ABCD3: variants seen among roughly 807,000 people sequenced by gnomAD.
ABCD3 encodes the protein ATP-binding cassette sub-family D member 3.
Under a neutral mutation model 105.5 loss-of-function variants are expected in ABCD3, and 41 were observed. That is an observed-to-expected ratio of 0.39 (90% confidence interval 0.30 to 0.50). The LOEUF is 0.50. ABCD3 is among the 20% of genes least tolerant of loss of function. The pLI is 0.84. For missense variants in ABCD3, 622 were observed against 806.3 expected (o/e 0.77, Z 2.77); for synonymous variants, 258 against 269.0 (o/e 0.96, Z 0.40).
the ABCD3 span, among the ~76,000 whole-genome samples, chr1:94,395,666 G>C: frequency 6.6e-6 from 1 of 152,206 alleles, no homozygotes; most frequent in Non-Finnish European, 1.5e-5. Context: ...GAGTGCCAAA[G>C]AGATGGCAAA....
chr1:94,506,048 TAAAA>T (rs966102401), intron 20 of ABCD3, among the ~76,000 whole-genome samples: 1 of 152,060 alleles, frequency 6.6e-6, no homozygotes, highest in Non-Finnish European at 1.5e-5. Context: ...AGCAAAGGCT[TAAAA>T]AAATGAGCAC....
intron 9 of ABCD3, among the ~76,000 whole-genome samples, chr1:94,481,027 G>T (rs1649006444): frequency 6.6e-6 from 1 of 152,106 alleles, no homozygotes; most frequent in Non-Finnish European, 1.5e-5. Flanking sequence ...TTTTTTAAAT[G>T]TAAGATAGGA....
At chr1:94,426,346 A>T (rs1161342822) in intron 1 of ABCD3, among the ~76,000 whole-genome samples, 1 of 152,200 alleles carries the variant, frequency 6.6e-6, no homozygotes, top group African/African-American at 2.4e-5. Context: ...TTCGGCATTC[A>T]AAGTGTCTTC....
intron 8 of ABCD3, 43 bp from the exon 9 acceptor site, chr1:94,480,421 A>G: frequency 6.2e-7 from 1 of 1,609,408 alleles, no homozygotes; most frequent in Non-Finnish European, 8.5e-7. Flanking sequence ...ATTTATTATT[A>G]TATCCCAGAA....
Position 94,518,611 on chromosome 1 carries a change from A to G in ABCD3, c.*1482A>G, listed in dbSNP as rs1425205793. On this transcript the variant is annotated 3_prime_UTR_variant, in exon 23 of 23. Coordinates refer to ENST00000370214, the MANE Select transcript of ABCD3 (RefSeq NM_002858.4). ...ATTCAGCCTTGACTTGAAAACATAGATAGTTTAATCTTGACTTGAAAAACA... is the reference window on the plus strand; with the variant it reads ...ATTCAGCCTTGACTTGAAAACATAGGTAGTTTAATCTTGACTTGAAAAACA... The G allele has an allele frequency of 6.6e-6, 1 of 152,126 alleles. No individual in the cohort carries two copies. Among genetic ancestry groups the G allele is most frequent in the Non-Finnish European group, 1.5e-5 (1 of 67,846 alleles). 9.4% of individuals were successfully genotyped at this position (152,126 alleles called of 1,614,324 possible).
chr1:94,473,714 T>G, intron 4 of ABCD3, 52 bp from the exon 5 acceptor site: 1 of 1,282,652 alleles, frequency 7.8e-7, no homozygotes, highest in Non-Finnish European at 1.1e-6. Flanking sequence ...GTTTTCCTAG[T>G]GTTAGATTTT....
intron 1 of ABCD3, among the ~76,000 whole-genome samples, chr1:94,450,895 C>T (rs979634243): frequency 7.2e-5 from 11 of 152,156 alleles, no homozygotes; most frequent in East Asian, 1.9e-4. Context: ...AAACATCAAT[C>T]GGTAATACTT....
chr1:94,456,255 ATTTTTTTTTTTTTTTTTTTTT>A (rs71094301), intron 1 of ABCD3, among the ~76,000 whole-genome samples: 20 of 44,960 alleles, frequency 4.4e-4, no homozygotes, highest in South Asian at 2.2e-3. Flanking sequence ...AAATGACAGA[ATTTTTTTTTTTTTTTTTTTTT>A]TTTTTTTTTT....
chr1:94,398,073 A>G, the ABCD3 span, among the ~76,000 whole-genome samples: 1 of 152,088 alleles, frequency 6.6e-6, no homozygotes, highest in East Asian at 1.9e-4. Context: ...AATTTTTATC[A>G]GTATAGACTA....
intron 5 of ABCD3, among the ~76,000 whole-genome samples, chr1:94,474,523 G>GT (rs1359375023): frequency 6.6e-6 from 1 of 152,108 alleles, no homozygotes; most frequent in African/African-American, 2.4e-5. Context: ...AGAAATTCTT[G>GT]TTTAATAAAG....
chr1:94,478,579 G>GA, intron 8 of ABCD3: 1 of 1,565,926 alleles, frequency 6.4e-7, no homozygotes, highest in Non-Finnish European at 8.7e-7. Flanking sequence ...GGCCAGGCGT[G>GA]GTGGCTCATG....
chr1:94,478,016 T>C (rs551417196), intron 7 of ABCD3, among the ~76,000 whole-genome samples: 1 of 152,366 alleles, frequency 6.6e-6, no homozygotes, highest in South Asian at 2.1e-4. Context: ...ATGTTTTTCC[T>C]ACTTGATGGT....
chr1:94,418,344 G>A (rs893828187), upstream of ABCD3: 10 of 613,544 alleles, frequency 1.6e-5, no homozygotes, highest in Admixed American at 4.3e-4. Flanking sequence ...GGCGGCGCGA[G>A]CCAGGGGGCG....
chr1:94,405,861 T>A, the ABCD3 span, among the ~76,000 whole-genome samples: 1 of 152,290 alleles, frequency 6.6e-6, no homozygotes, highest in South Asian at 2.1e-4. Context: ...GCTGCAAATG[T>A]TTTCTTCTAG....
chr1:94,418,636 TC>T, intron 1 of ABCD3, 48 bp downstream of exon 1: 1 of 1,533,882 alleles, frequency 6.5e-7, no homozygotes, highest in Non-Finnish European at 8.8e-7. Context: ...GAGCGGGCGC[TC>T]CCCGCGCGCT....
In ABCD3 at chr1:94,515,818, TCCTCCCTC is replaced by T. The variant is rs534390001; in HGVS notation, c.1902+628_1902+635del. Among the ~76,000 whole-genome samples the T allele has an allele frequency of 6.4e-3, 974 of 151,566 alleles. 8 individuals carry two copies. The highest frequency in any genetic ancestry group is 0.019 in the African/African-American group (767 of 41,406). On this transcript the variant is annotated intron_variant, in intron 22 of 22. Transcript: ENST00000370214. ...GTTTAATTCTCTTTATTTTCTTTCC[TCCTCCCTC>T]CCTCCCTCCCTTCCTTTCTTCCTTC...
At chr1:94,466,734 A>G (rs1216532019) in intron 3 of ABCD3, among the ~76,000 whole-genome samples, 1 of 152,208 alleles carries the variant, frequency 6.6e-6, no homozygotes, top group African/African-American at 2.4e-5. Flanking sequence ...GGAAAGATGC[A>G]TATGTTACCT....
chr1:94,390,277 C>T, the ABCD3 span, among the ~76,000 whole-genome samples: 5 of 151,978 alleles, frequency 3.3e-5, no homozygotes, highest in Non-Finnish European at 5.9e-5. Flanking sequence ...AATGCTCCTG[C>T]ACTTATTAAT....
At chr1:94,483,581 GC>G (rs1649129670) in intron 10 of ABCD3, among the ~76,000 whole-genome samples, 1 of 152,104 alleles carries the variant, frequency 6.6e-6, no homozygotes, top group African/African-American at 2.4e-5. Flanking sequence ...GGGAAAACTG[GC>G]TAGCCATATG....
Sources: allele counts gnomAD v4.1 joint callset (sites outside exome capture counted in the v4.1 genomes callset), GRCh38; gene constraint gnomAD v4.1.1; transcripts MANE v1.5; gene names NCBI Gene and HGNC (gene_info 2026-07-23, HGNC 2026-07-21).